AKR1C8: variants seen among roughly 807,000 people sequenced by gnomAD.
AKR1C8 encodes the protein aldo-keto reductase family 1 member C8, also known as aldo-keto reductase family 1 member C-like protein 1.
the AKR1C8 span, chr10:5,157,512 C>A: frequency 6.2e-6 from 2 of 321,342 alleles, no homozygotes; most frequent in African/African-American, 2.2e-5. Flanking sequence ...ACACTGCCCT[C>A]CTCCCTTAGC....
At chr10:5,163,229 C>G in the AKR1C8 span, among the ~76,000 whole-genome samples, 2 of 152,140 alleles carry the variant, frequency 1.3e-5, no homozygotes, top group Non-Finnish European at 2.9e-5. Context: ...ATTGGCTTCA[C>G]CCTGGAGCAT....
chr10:5,174,155 T>C, the AKR1C8 span, among the ~76,000 whole-genome samples: 2 of 151,738 alleles, frequency 1.3e-5, no homozygotes, highest in South Asian at 2.1e-4. Context: ...CTAGCCCTGT[T>C]CTTAAAAAAA....
chr10:5,161,935 G>A, the AKR1C8 span: 9 of 534,302 alleles, frequency 1.7e-5, no homozygotes, highest in South Asian at 4.2e-5. Flanking sequence ...TTCTAGGGCC[G>A]GGTGAACCAA....
the AKR1C8 span, among the ~76,000 whole-genome samples, chr10:5,171,123 TA>T: frequency 6.6e-6 from 1 of 152,132 alleles, no homozygotes; most frequent in Non-Finnish European, 1.5e-5. Context: ...TTTAGCTCTT[TA>T]AAAGTCCTGA....
chr10:5,152,277 C>T, the AKR1C8 span, among the ~76,000 whole-genome samples: 2 of 152,248 alleles, frequency 1.3e-5, no homozygotes, highest in Admixed American at 1.3e-4. Context: ...TAATTTTTGT[C>T]TTTCCAGTTC....
chr10:5,165,960 C>T, the AKR1C8 span, among the ~76,000 whole-genome samples: 300 of 152,146 alleles, frequency 2.0e-3, 1 homozygote, highest in African/African-American at 6.9e-3. Flanking sequence ...CACTTGCATC[C>T]ATGGGTGACT....
the AKR1C8 span, among the ~76,000 whole-genome samples, chr10:5,143,413 G>A: frequency 6.6e-6 from 1 of 152,086 alleles, no homozygotes; most frequent in African/African-American, 2.4e-5. Flanking sequence ...CAGCTTCTCA[G>A]GCTTTCAGCC....
At chr10:5,162,834 G>T in the AKR1C8 span, 2 of 528,614 alleles carry the variant, frequency 3.8e-6, no homozygotes. Context: ...TCTGGCTACT[G>T]TACACACAGA....
chr10:5,136,679 C>T, the AKR1C8 span, among the ~76,000 whole-genome samples: 1 of 152,042 alleles, frequency 6.6e-6, no homozygotes, highest in Non-Finnish European at 1.5e-5. Context: ...CTTAAATTTC[C>T]ACATCAAAAG....
the AKR1C8 span, among the ~76,000 whole-genome samples, chr10:5,124,715 T>C: frequency 0.39 from 59,208 of 151,554 alleles, 12,283 homozygotes; most frequent in Non-Finnish European, 0.43. Flanking sequence ...AATATAACTT[T>C]ACCTCTTGAT....
At chr10:5,149,244 TA>T in the AKR1C8 span, among the ~76,000 whole-genome samples, 28 of 152,112 alleles carry the variant, frequency 1.8e-4, no homozygotes, top group African/African-American at 6.8e-4. Flanking sequence ...ACAGGTGTAC[TA>T]TAGTTTCTTT....
chr10:5,161,626 T>C, the AKR1C8 span: 1 of 517,570 alleles, frequency 1.9e-6, no homozygotes, highest in Non-Finnish European at 3.9e-6. Context: ...GTGAGATCAT[T>C]GAATCTGAAT....
At chr10:5,128,815 G>T in the AKR1C8 span, among the ~76,000 whole-genome samples, 16 of 152,048 alleles carry the variant, frequency 1.1e-4, no homozygotes, top group African/African-American at 3.9e-4. Flanking sequence ...CTTAAGAAAT[G>T]AGATAGCAAC....
At chr10:5,123,647 A>G in the AKR1C8 span, 1 of 1,434,688 alleles carries the variant, frequency 7.0e-7, no homozygotes, top group Non-Finnish European at 9.6e-7. Context: ...GAAAGAGAGT[A>G]CCATATAATT....
At chr10:5,159,823 A>G in the AKR1C8 span, 1 of 476,104 alleles carries the variant, frequency 2.1e-6, no homozygotes, top group South Asian at 1.5e-5. Flanking sequence ...AGACATGATT[A>G]AGCAGGAAGT....
At chr10:5,145,911 C>T in the AKR1C8 span, among the ~76,000 whole-genome samples, 10 of 151,912 alleles carry the variant, frequency 6.6e-5, no homozygotes, top group South Asian at 2.1e-4. Context: ...ATGTTTATTG[C>T]GGCACTATTC....
the AKR1C8 span, among the ~76,000 whole-genome samples, chr10:5,125,111 A>G: frequency 5.3e-5 from 8 of 152,014 alleles, no homozygotes; most frequent in Non-Finnish European, 1.2e-4. Context: ...TCATTGTTGT[A>G]TAATTTTCTC....
the AKR1C8 span, among the ~76,000 whole-genome samples, chr10:5,147,535 A>G: frequency 9.3e-5 from 14 of 150,850 alleles, no homozygotes; most frequent in African/African-American, 3.5e-4. Context: ...TAAAAAATTA[A>G]CCAAAAAAAA....
At chr10:5,145,282 A>G in the AKR1C8 span, among the ~76,000 whole-genome samples, 1 of 152,190 alleles carries the variant, frequency 6.6e-6, no homozygotes, top group Non-Finnish European at 1.5e-5. Flanking sequence ...GGACATAGGC[A>G]TGGGCAAGGA....
Sources: gnomAD v4.1 joint callset for allele counts (sites outside exome capture counted in the v4.1 genomes callset) on GRCh38, gnomAD v4.1.1 for gene constraint, MANE v1.5 for transcripts, NCBI Gene and HGNC (gene_info 2026-07-23, HGNC 2026-07-21) for gene names.